TBL1X: variants seen among roughly 807,000 people sequenced by gnomAD.
TBL1X encodes transducin beta like 1 X-linked.
Under a neutral mutation model 50.7 loss-of-function variants are expected in TBL1X, and 10 were observed. The observed-to-expected ratio is 0.20, with a 90% CI of 0.12 to 0.33. The LOEUF (loss-of-function observed/expected upper bound fraction) is 0.33. Among genes scored for constraint, TBL1X ranks in the 10% least tolerant of loss-of-function variants. The pLI, the probability that TBL1X is intolerant of heterozygous loss-of-function variation, is 1.00. For synonymous variants in TBL1X, 190 were observed against 214.7 expected (o/e 0.88, Z 1.01); for missense variants, 340 against 504.4 (o/e 0.67, Z 3.12).
chrX:9,509,460 T>G (rs2082043823), intron 2 of TBL1X, among the ~76,000 whole-genome samples: 1 of 100,430 alleles, frequency 1.0e-5, no homozygotes, highest in South Asian at 5.1e-4. Flanking sequence ...CCAGATAGCA[T>G]CATTTTGTAT....
intron 5 of TBL1X, among the ~76,000 whole-genome samples, chrX:9,681,358 C>T (rs1427780949): frequency 2.7e-5 from 3 of 112,092 alleles, no homozygotes; most frequent in Non-Finnish European, 3.8e-5. Context: ...ACATAGTCTA[C>T]GGTTCACAGT....
At position 9,714,876 on chromosome X, in the gene TBL1X, T is replaced by C. The variant is rs375156688; in HGVS notation, c.1606-26T>C. Reference sequence around the variant, plus strand: ...TCTGTCGCAGGCGCCCCTTGCGTTGTAAGTGACAGCTGCTTTGCTTTGCAG... The same window carrying C: ...TCTGTCGCAGGCGCCCCTTGCGTTGCAAGTGACAGCTGCTTTGCTTTGCAG... On this transcript the variant is annotated intron_variant, in intron 16 of 17. Coordinates refer to ENST00000645353, the MANE Select transcript of TBL1X (RefSeq NM_005647.4). The C allele has an allele frequency of 1.8e-5, 22 of 1,199,914 alleles. No individual in the cohort carries two copies. In the African/African-American group the frequency reaches 3.7e-4, roughly 20 times the overall value.
At chrX:9,697,225 C>A (rs1157787872) in intron 11 of TBL1X, 144 bp from the exon 12 acceptor site, 7 of 689,822 alleles carry the variant, frequency 1.0e-5, no homozygotes, top group Non-Finnish European at 1.5e-5. Context: ...AAAATTGAAA[C>A]TAGCCCATAA....
chrX:9,687,837 C>T (rs1050431524), intron 6 of TBL1X, among the ~76,000 whole-genome samples, 180 bp from the exon 7 acceptor site: 3 of 111,138 alleles, frequency 2.7e-5, no homozygotes, highest in African/African-American at 9.8e-5. Flanking sequence ...TCCCTGCCCA[C>T]CGTGGGATCC....
chrX:9,681,207 T>C (rs1161409700), intron 5 of TBL1X, among the ~76,000 whole-genome samples: 2 of 112,275 alleles, frequency 1.8e-5, no homozygotes, highest in Admixed American at 1.9e-4. Flanking sequence ...CCACGCTGGC[T>C]GCTGTCCAGA....
At chrX:9,692,394 A>G in intron 9 of TBL1X, 140 bp downstream of exon 9, 1 of 773,549 alleles carries the variant, frequency 1.3e-6, no homozygotes, top group Non-Finnish European at 1.8e-6. Context: ...ATGGGCTGCC[A>G]GAGAGGTGTT....
chrX:9,659,067 C>CG (rs1388712838), intron 5 of TBL1X, among the ~76,000 whole-genome samples: 1 of 20,236 alleles, frequency 4.9e-5, no homozygotes, highest in East Asian at 0.014. Flanking sequence ...TCAAGAGATC[C>CG]TCCCCCCCGG....
chrX:9,554,701 C>A (rs2082286986), intron 2 of TBL1X, among the ~76,000 whole-genome samples: 1 of 112,233 alleles, frequency 8.9e-6, no homozygotes, highest in Non-Finnish European at 1.9e-5. Flanking sequence ...CATAAATCAT[C>A]TTTCCTTCAA....
chrX:9,688,027 T>C lies in TBL1X; in HGVS notation c.368T>C (p.Val123Ala). ...AEISINEDGT[V>A]FDGRPIESLS... ...GGCTTGCTTCCCCAGGATGGCACAG[T>C]GTTCGACGGCCGCCCCATAGAGTCC... The change falls in exon 7 of 18, where the codon GTG becomes GCG. Residue 123 changes from valine (V) to alanine (A), a missense_variant. Transcript: ENST00000645353. 9 of 1,205,115 alleles carry C rather than the reference T, an allele frequency of 7.5e-6. No homozygotes were observed. The highest frequency in any genetic ancestry group is 1.0e-5 in the Non-Finnish European group (9 of 891,913).
intron 2 of TBL1X, among the ~76,000 whole-genome samples, chrX:9,532,614 C>T (rs779515975): frequency 2.7e-5 from 3 of 111,031 alleles, no homozygotes; most frequent in South Asian, 3.8e-4. Flanking sequence ...AACAGCAGCC[C>T]GTAATTCTCC....
intron 12 of TBL1X, among the ~76,000 whole-genome samples, chrX:9,698,539 A>T (rs1443016026): frequency 8.9e-6 from 1 of 111,915 alleles, no homozygotes; most frequent in Non-Finnish European, 1.9e-5. Context: ...GTTTTATACC[A>T]GGGAAGCTCC....
At position 9,568,598 on chromosome X, in the gene TBL1X, C is replaced by CTG. The variant is rs200110245; in HGVS notation, c.-131+66766_-131+66767dup. Among the ~76,000 whole-genome samples the CTG allele has an allele frequency of 3.2e-3, 320 of 99,635 alleles. 2 individuals carry two copies. Among genetic ancestry groups the CTG allele is most frequent in the Non-Finnish European group, 4.1e-3 (199 of 48,492 alleles). The allele number at this position is 99,635 out of a possible 115,157, so 86.5% of individuals were successfully genotyped here. ...ATGTTGTGTCTATCTGTGCAGTGTG[C>CTG]TGTGTGTGTGTGTGTGTGGTGTGCT... On this transcript the variant is annotated intron_variant, in intron 2 of 17. Transcript: ENST00000645353.
intron 3 of TBL1X, among the ~76,000 whole-genome samples, 174 bp downstream of exon 3, chrX:9,640,534 A>G (rs2082770247): frequency 8.9e-6 from 1 of 112,530 alleles, no homozygotes; most frequent in African/African-American, 3.2e-5. Context: ...CAATCATTAA[A>G]TCATTGCGAG....
chrX:9,666,732 C>T (rs1416374339), intron 5 of TBL1X, among the ~76,000 whole-genome samples: 1 of 111,443 alleles, frequency 9.0e-6, no homozygotes, highest in Non-Finnish European at 1.9e-5. Flanking sequence ...AAGAGTCAGA[C>T]ATTGTCTGCA....
At chrX:9,670,270 C>A (rs1284382686) in intron 5 of TBL1X, among the ~76,000 whole-genome samples, 1 of 110,914 alleles carries the variant, frequency 9.0e-6, no homozygotes, top group Non-Finnish European at 1.9e-5. Flanking sequence ...CTGCGAACAA[C>A]CGGTCCTGTG....
At chrX:9,604,290 G>A (rs17255111) in intron 2 of TBL1X, among the ~76,000 whole-genome samples, 3,929 of 112,146 alleles carry the variant, frequency 0.035, 60 homozygotes, top group Middle Eastern at 0.078. Context: ...GCAGTGTTGC[G>A]TGAAAGGGCA....
intron 2 of TBL1X, among the ~76,000 whole-genome samples, chrX:9,618,585 A>G (rs905731669): frequency 1.8e-5 from 2 of 112,001 alleles, no homozygotes; most frequent in Admixed American, 1.9e-4. Context: ...AGGCTGAGGC[A>G]GAAGAATCGC....
chrX:9,629,140 A>T (rs1006969602), intron 2 of TBL1X, among the ~76,000 whole-genome samples: 2 of 112,690 alleles, frequency 1.8e-5, no homozygotes, highest in Non-Finnish European at 3.8e-5. Flanking sequence ...TACTTTAGTA[A>T]TGTGTTAGGA....
intron 5 of TBL1X, among the ~76,000 whole-genome samples, chrX:9,674,725 C>T (rs1271788525): frequency 2.2e-5 from 2 of 90,591 alleles, no homozygotes; most frequent in African/African-American, 4.1e-5. Context: ...AGTGCAGGCA[C>T]GGGCCACCAC....
Sources: gnomAD v4.1 joint callset for allele counts (sites outside exome capture counted in the v4.1 genomes callset) on GRCh38, gnomAD v4.1.1 for gene constraint, MANE v1.5 for transcripts, NCBI Gene and HGNC (gene_info 2026-07-23, HGNC 2026-07-21) for gene names.